Variants in CCDC141 observed in about 807,000 individuals in gnomAD.
CCDC141 encodes the protein coiled-coil domain-containing protein 141.
Under a neutral mutation model 181.0 loss-of-function variants are expected in CCDC141, and 168 were observed. That is an observed-to-expected ratio of 0.93 (90% confidence interval 0.82 to 1.05). CCDC141 has a LOEUF of 1.05. CCDC141 is among the 50% of genes least tolerant of loss of function. CCDC141 has a pLI of 0.00. For missense variants in CCDC141, 1,902 were observed against 1,788.5 expected, an observed-to-expected ratio of 1.06 and a Z score of -1.14; for synonymous variants, 666 against 642.3, an observed-to-expected ratio of 1.04 and a Z score of -0.56.
intron 6 of CCDC141, among the ~76,000 whole-genome samples, chr2:178,922,309 C>G (rs1274778762): frequency 6.6e-6 from 1 of 152,126 alleles, no homozygotes; most frequent in South Asian, 2.1e-4. Flanking sequence ...AGGGAGATTA[C>G]CAACTTGCCC....
intron 5 of CCDC141, among the ~76,000 whole-genome samples, chr2:178,946,126 C>A (rs1450438814): frequency 6.6e-6 from 1 of 152,094 alleles, no homozygotes. Context: ...TTTCATGTGA[C>A]ATATATCTCA....
chr2:178,968,472 T>G (rs1408400937), intron 4 of CCDC141, among the ~76,000 whole-genome samples: 1 of 152,098 alleles, frequency 6.6e-6, no homozygotes, highest in Non-Finnish European at 1.5e-5. Flanking sequence ...CTGAACAACA[T>G]GCTCCTGAAT....
intron 2 of CCDC141, among the ~76,000 whole-genome samples, chr2:179,043,075 C>T (rs2043364886): frequency 6.6e-6 from 1 of 152,128 alleles, no homozygotes; most frequent in Admixed American, 6.5e-5. Flanking sequence ...AAACAACCAT[C>T]AGAGAATACT....
At chr2:178,980,127 A>G (rs1003922202) in intron 2 of CCDC141, among the ~76,000 whole-genome samples, 2 of 152,206 alleles carry the variant, frequency 1.3e-5, no homozygotes, top group Admixed American at 1.3e-4. Flanking sequence ...GAAATATTAA[A>G]ACAGCTGAAA....
chr2:178,879,374 C>T (rs897073796), intron 11 of CCDC141, among the ~76,000 whole-genome samples: 1 of 152,162 alleles, frequency 6.6e-6, no homozygotes, highest in Non-Finnish European at 1.5e-5. Context: ...CTTAATTTAA[C>T]TGAACTTCAT....
rs536436075 is a variant in CCDC141 at position 178,837,109 on chromosome 2, C to T, written c.4110G>A (p.Ser1370=). The change falls in exon 23 of 24, where the codon TCG becomes TCA. Residue 1370 remains serine, a synonymous_variant. Coordinates refer to ENST00000443758, the MANE Select transcript of CCDC141 (RefSeq NM_173648.4). ...TGGTGCCTGATTGAAACCTGAGGCC[C>T]GAGAATGCATCAGAGGAAGCATGCA... ...DRLHASSDAF[S]GLRFQSGTSR... 53 of 1,613,884 alleles carry T rather than the reference C, an allele frequency of 3.3e-5. No individual in the cohort carries two copies. Among genetic ancestry groups the T allele is most frequent in the East Asian group, 6.7e-5 (3 of 44,794 alleles).
chr2:178,977,411 GC>G (rs1691168372), intron 3 of CCDC141, among the ~76,000 whole-genome samples: 1 of 152,140 alleles, frequency 6.6e-6, no homozygotes, highest in Non-Finnish European at 1.5e-5. Context: ...ATCAGATATA[GC>G]TATAATTTGG....
chr2:178,933,350 G>A (rs1339130459), intron 6 of CCDC141, among the ~76,000 whole-genome samples: 1 of 152,160 alleles, frequency 6.6e-6, no homozygotes, highest in Non-Finnish European at 1.5e-5. Context: ...TGGGCAAAAT[G>A]TCTAAGTTGG....
intron 19 of CCDC141, among the ~76,000 whole-genome samples, chr2:178,855,096 A>G (rs971557262): frequency 4.6e-5 from 7 of 152,226 alleles, no homozygotes; most frequent in African/African-American, 1.7e-4. Flanking sequence ...GAACTCTCAC[A>G]CATTGCCAGT....
chr2:178,934,253 T>C lies in CCDC141; in HGVS notation c.897+10282A>G, dbSNP rs565226283. Among the ~76,000 whole-genome samples, 381 of 152,236 alleles carry C rather than the reference T, an allele frequency of 2.5e-3. 5 individuals are homozygous for C. The highest frequency in any genetic ancestry group is 1.2e-3 in the Non-Finnish European group (81 of 67,994). On this transcript the variant is annotated intron_variant, in intron 6 of 23. Coordinates refer to ENST00000443758, the MANE Select transcript of CCDC141 (RefSeq NM_173648.4). ...GATTGGTTCCTGAAGGGAGTTCTAT[T>C]ATACGAACATTATTTCTGATGTGTA...
chr2:178,838,512 G>A (rs939323506), intron 22 of CCDC141, among the ~76,000 whole-genome samples: 12 of 152,118 alleles, frequency 7.9e-5, no homozygotes, highest in African/African-American at 2.4e-4. Flanking sequence ...TTCATGACTA[G>A]TTTTATTTTC....
rs1447913025 is a variant in CCDC141 at position 178,915,374 on chromosome 2, A to G, written c.1092+3339T>C. On this transcript the variant is annotated intron_variant, in intron 7 of 23. Transcript: ENST00000443758. ...CTAAATTCAAAAAAGTAAAAAGTAT[A>G]TTTAAAAAATCATATATTTCACTTT... 2.0e-5 allele frequency among the ~76,000 whole-genome samples: 3 copies of G among 152,228 alleles called. No individual in the cohort carries two copies. In the East Asian group the frequency reaches 5.8e-4, roughly 29 times the overall value.
At chr2:179,000,854 T>C (rs1484444669) in intron 2 of CCDC141, among the ~76,000 whole-genome samples, 1 of 152,226 alleles carries the variant, frequency 6.6e-6, no homozygotes, top group Non-Finnish European at 1.5e-5. Flanking sequence ...AGAAAGTTTG[T>C]ACCAATTGAC....
chr2:178,842,529 T>C (rs1684768921), intron 22 of CCDC141, among the ~76,000 whole-genome samples: 1 of 152,238 alleles, frequency 6.6e-6, no homozygotes, highest in Admixed American at 6.5e-5. Context: ...AGAAAAAATG[T>C]CTAGAAGGGA....
intron 8 of CCDC141, among the ~76,000 whole-genome samples, chr2:178,900,938 A>G (rs976314510): frequency 2.6e-5 from 4 of 152,144 alleles, no homozygotes; most frequent in Non-Finnish European, 5.9e-5. Context: ...GATGAGCCTT[A>G]TGATTGCATT....
At chr2:179,015,463 A>G (rs886595248) in intron 2 of CCDC141, among the ~76,000 whole-genome samples, 1 of 120,722 alleles carries the variant, frequency 8.3e-6, no homozygotes, top group Non-Finnish European at 1.8e-5. Flanking sequence ...TACCATATAT[A>G]TCTCATATAT....
chr2:178,890,788 T>C (rs1444028230), intron 8 of CCDC141, among the ~76,000 whole-genome samples: 2 of 152,192 alleles, frequency 1.3e-5, no homozygotes, highest in African/African-American at 4.8e-5. Context: ...CACTCAATTG[T>C]ACAGTGTCAT....
In CCDC141 at chr2:178,837,374, G is replaced by C; in HGVS notation, c.3845C>G (p.Thr1282Arg). ...AGGCCTCTCAAAATGACTTGAAAAT[G>C]TTTCTCTCTTATCATTGCATGCATC... The part of the protein sequence containing the change: ...FADACNDKRE[T>R]FSSHFERPYL... The change falls in exon 23 of 24, where the codon ACA becomes AGA. Residue 1282 changes from threonine to arginine, a missense_variant. Thr to Arg is a moderately conservative substitution (Grantham distance 71). Transcript: ENST00000443758. The C allele has an allele frequency of 1.2e-6, 2 of 1,614,104 alleles. No individual in the cohort carries two copies. Among genetic ancestry groups the C allele is most frequent in the Non-Finnish European group, 1.7e-6 (2 of 1,179,974 alleles).
chr2:178,842,558 A>G (rs1684770114), intron 22 of CCDC141, among the ~76,000 whole-genome samples: 1 of 152,228 alleles, frequency 6.6e-6, no homozygotes, highest in South Asian at 2.1e-4. Context: ...TGATATTCCT[A>G]CATCCATTCA....
Sources: allele counts gnomAD v4.1 joint callset (sites outside exome capture counted in the v4.1 genomes callset), GRCh38; gene constraint gnomAD v4.1.1; transcripts MANE v1.5; gene names NCBI Gene and HGNC (gene_info 2026-07-23, HGNC 2026-07-21).